The following HERC4 variants were observed in gnomAD, a reference collection of about 807,000 sequenced individuals.
HERC4 encodes the protein probable E3 ubiquitin-protein ligase HERC4.
Under a neutral mutation model 124.3 loss-of-function variants are expected in HERC4, and 28 were observed. The ratio of observed to expected loss-of-function variants is 0.23; its 90% CI spans 0.17 to 0.31. The LOEUF (loss-of-function observed/expected upper bound fraction) is 0.31. Among genes scored for constraint, HERC4 ranks in the 10% least tolerant of loss-of-function variants. The pLI is 1.00. For synonymous variants in HERC4, 407 were observed against 421.5 expected, an observed-to-expected ratio of 0.97 and a Z score of 0.42; for missense variants, 713 against 1,229.3, an observed-to-expected ratio of 0.58 and a Z score of 6.28.
At chr10:67,979,803 G>A (rs564596740) in intron 15 of HERC4, among the ~76,000 whole-genome samples, 80 of 152,172 alleles carry the variant, frequency 5.3e-4, no homozygotes, top group Non-Finnish European at 9.0e-4. Flanking sequence ...CGGGTGTGGC[G>A]GCGGGCACCT....
intron 16 of HERC4, among the ~76,000 whole-genome samples, chr10:67,962,950 G>A (rs1437313584): frequency 6.6e-6 from 1 of 152,112 alleles, no homozygotes; most frequent in Non-Finnish European, 1.5e-5. Context: ...CCTTCACAGG[G>A]ATCATATAAA....
chr10:68,062,024 AAAGTT>A (rs1403539133), intron 3 of HERC4, among the ~76,000 whole-genome samples: 39 of 152,294 alleles, frequency 2.6e-4, no homozygotes, highest in African/African-American at 8.7e-4. Context: ...CCAAAAGCAC[AAAGTT>A]AAGTATTGTT....
At chr10:67,937,033 A>C (rs2032424851) in intron 21 of HERC4, among the ~76,000 whole-genome samples, 1 of 152,206 alleles carries the variant, frequency 6.6e-6, no homozygotes, top group African/African-American at 2.4e-5. Context: ...AAACTAGAGG[A>C]AGTGTGAAAG....
At chr10:67,926,419 AAAAAAAAAAAAAC>A (rs2030960654) in intron 23 of HERC4, among the ~76,000 whole-genome samples, 1 of 147,868 alleles carries the variant, frequency 6.8e-6, no homozygotes, top group Non-Finnish European at 1.5e-5. Flanking sequence ...TAAAAAATAA[AAAAAAAAAAAAAC>A]AAAAAAATTA....
chr10:67,962,696 G>A (rs930217742), intron 16 of HERC4, among the ~76,000 whole-genome samples: 1 of 152,072 alleles, frequency 6.6e-6, no homozygotes, highest in African/African-American at 2.4e-5. Context: ...AACCAATAAG[G>A]TATTTTTACA....
chr10:67,935,278 T>C (rs1268197431), intron 22 of HERC4, among the ~76,000 whole-genome samples: 5 of 152,038 alleles, frequency 3.3e-5, no homozygotes, highest in African/African-American at 1.2e-4. Flanking sequence ...CCCGAGTAGC[T>C]GGAACTACAG....
intron 21 of HERC4, among the ~76,000 whole-genome samples, 158 bp from the exon 22 acceptor site, chr10:67,936,393 C>A (rs1043786791): frequency 2.8e-4 from 43 of 152,110 alleles, no homozygotes; most frequent in Middle Eastern, 3.4e-3. Context: ...CTACTTAAAG[C>A]CAGAACTAGA....
At chr10:67,939,725 T>C (rs922010442) in intron 20 of HERC4, 71 bp from the exon 21 acceptor site, 44 of 513,786 alleles carry the variant, frequency 8.6e-5, no homozygotes, top group Non-Finnish European at 1.4e-4. Flanking sequence ...CTTATGGATA[T>C]ATATATATAT....
At chr10:67,938,769 C>T (rs1470605416) in intron 21 of HERC4, among the ~76,000 whole-genome samples, 3 of 151,906 alleles carry the variant, frequency 2.0e-5, no homozygotes, top group South Asian at 2.1e-4. Context: ...GGTGGTGAAA[C>T]CCCGTCTCTA....
At chr10:68,011,087 G>C (rs1042400330) in intron 9 of HERC4, among the ~76,000 whole-genome samples, 5 of 152,188 alleles carry the variant, frequency 3.3e-5, no homozygotes, top group African/African-American at 1.2e-4. Flanking sequence ...ATCAAAGACA[G>C]GGTCTTGCTC....
At chr10:68,003,409 A>T (rs572327033) in intron 9 of HERC4, among the ~76,000 whole-genome samples, 1 of 146,904 alleles carries the variant, frequency 6.8e-6, no homozygotes, top group South Asian at 2.1e-4. Context: ...TCCTGACCTC[A>T]TGATCTGCCC....
chr10:68,064,791 T>C (rs1224232381), intron 3 of HERC4, among the ~76,000 whole-genome samples: 1 of 151,762 alleles, frequency 6.6e-6, no homozygotes, highest in Non-Finnish European at 1.5e-5. Context: ...GCCAAAATGG[T>C]GAAACCTTGT....
In HERC4 at chr10:67,954,854, T is replaced by C; in HGVS notation, c.2193+109A>G. 3 of 1,196,034 alleles carry C rather than the reference T, an allele frequency of 2.5e-6. No homozygotes were observed. The South Asian group carries it at 6.5e-5, about 26-fold the overall frequency. The allele number at this position is 1,196,034 out of a possible 1,614,324, so 74.1% of individuals were successfully genotyped here. Reference sequence around the variant, plus strand: ...TCTACAATTAATAGTTTAAAATAAATATAATTTTATTTATTAAGTTTAAAA... The same window carrying C: ...TCTACAATTAATAGTTTAAAATAAACATAATTTTATTTATTAAGTTTAAAA... On this transcript the variant is annotated intron_variant, in intron 18 of 24. Coordinates refer to ENST00000373700, the MANE Select transcript of HERC4 (RefSeq NM_015601.4).
chr10:67,944,635 G>A (rs1180583656), intron 19 of HERC4, among the ~76,000 whole-genome samples: 2 of 152,178 alleles, frequency 1.3e-5, no homozygotes, highest in African/African-American at 2.4e-5. Context: ...CAATCATGGA[G>A]AGACTGAGAT....
intron 19 of HERC4, among the ~76,000 whole-genome samples, chr10:67,948,144 T>TA (rs547679896): frequency 7.1e-4 from 97 of 136,110 alleles, no homozygotes; most frequent in Non-Finnish European, 1.4e-3. Flanking sequence ...ACACTTAAAC[T>TA]AAAAAAAAGG....
chr10:67,928,646 G>A (rs543653510), intron 23 of HERC4, among the ~76,000 whole-genome samples: 2 of 152,302 alleles, frequency 1.3e-5, no homozygotes, highest in East Asian at 3.9e-4. Flanking sequence ...CCTCGGGCCA[G>A]GAGCGGTGGC....
At chr10:68,017,238 G>A (rs529996992) in intron 8 of HERC4, among the ~76,000 whole-genome samples, 148 of 152,218 alleles carry the variant, frequency 9.7e-4, no homozygotes, top group African/African-American at 3.2e-3. Flanking sequence ...TCCCAAGAAC[G>A]AGATATGTAA....
At chr10:67,977,251 T>C (rs192388126) in intron 15 of HERC4, among the ~76,000 whole-genome samples, 28 of 152,148 alleles carry the variant, frequency 1.8e-4, no homozygotes, top group African/African-American at 5.8e-4. Flanking sequence ...CCAGTCAAAG[T>C]TGTGAAGACT....
intron 21 of HERC4, among the ~76,000 whole-genome samples, chr10:67,939,240 A>G (rs1477176002): frequency 1.3e-5 from 2 of 152,180 alleles, no homozygotes; most frequent in Non-Finnish European, 2.9e-5. Flanking sequence ...TCAAAAATGA[A>G]CACTTGGGTA....
Sources: gnomAD v4.1 joint callset for allele counts (sites outside exome capture counted in the v4.1 genomes callset) on GRCh38, gnomAD v4.1.1 for gene constraint, MANE v1.5 for transcripts, NCBI Gene and HGNC (gene_info 2026-07-23, HGNC 2026-07-21) for gene names.